Variants in LRP2 observed in about 807,000 individuals in gnomAD.
LRP2 encodes the protein low-density lipoprotein receptor-related protein 2.
LRP2 carries 172 observed loss-of-function variants against 531.0 expected under a neutral mutation model. That is an observed-to-expected ratio of 0.32 (90% CI 0.29 to 0.37). The LOEUF is 0.37. Ranked by LOEUF, LRP2 falls within the 10% of genes least tolerant of loss-of-function variation. LRP2 has a pLI of 1.00. For missense variants in LRP2, 5,167 were observed against 5,868.3 expected (o/e 0.88, Z 3.90); for synonymous variants, 1,992 against 2,027.6 (o/e 0.98, Z 0.47).
At chr2:169,263,099 A>G (rs1461687797) in intron 16 of LRP2, among the ~76,000 whole-genome samples, 1 of 152,222 alleles carries the variant, frequency 6.6e-6, no homozygotes, top group Non-Finnish European at 1.5e-5. Flanking sequence ...TCAATTCAAG[A>G]TGGCTTAAAG....
At position 169,191,917 on chromosome 2, in the gene LRP2, C is replaced by T. The variant is rs1051877373; in HGVS notation, c.8947G>A (p.Asp2983Asn). 8 of 1,614,106 alleles carry T rather than the reference C, an allele frequency of 5.0e-6. No homozygotes were observed. Among genetic ancestry groups the T allele is most frequent in the Non-Finnish European group, 6.8e-6 (8 of 1,179,982 alleles). Reference protein sequence around the residue: ...DGDVDCTDGYDENQNCTRRTC... With the variant: ...DGDVDCTDGYNENQNCTRRTC... ...CTCCTGGTGCAATTCTGATTCTCAT[C>T]GTAGCCGTCAGTACAATCCACATCG... The change falls in exon 48 of 79, where the codon GAT becomes AAT. Residue 2983 changes from aspartate (D) to asparagine (N), a missense_variant. Coordinates refer to ENST00000649046, the MANE Select transcript of LRP2 (RefSeq NM_004525.3).
At chr2:169,351,876 G>A (rs927922728) in intron 1 of LRP2, among the ~76,000 whole-genome samples, 6 of 152,164 alleles carry the variant, frequency 3.9e-5, no homozygotes, top group East Asian at 1.9e-4. Context: ...TGCTGAGCGC[G>A]TATGTATGCA....
At chr2:169,169,344 C>A (rs1053023929) in intron 60 of LRP2, among the ~76,000 whole-genome samples, 4 of 152,146 alleles carry the variant, frequency 2.6e-5, no homozygotes, top group Non-Finnish European at 5.9e-5. Context: ...TCAATATGTT[C>A]GAATACCCAA....
intron 23 of LRP2, 54 bp from the exon 24 acceptor site, chr2:169,243,126 A>T: frequency 7.2e-7 from 1 of 1,384,478 alleles, no homozygotes; most frequent in South Asian, 1.2e-5. Flanking sequence ...AAATGACTAA[A>T]CACTGAGATT....
At chr2:169,299,142 AG>A (rs1304736140) in intron 4 of LRP2, among the ~76,000 whole-genome samples, 1 of 47,686 alleles carries the variant, frequency 2.1e-5, no homozygotes, top group Non-Finnish European at 5.2e-5. Flanking sequence ...AAAGAAAGAA[AG>A]AAAGAAAGAA....
At chr2:169,340,465 G>C (rs1025420122) in intron 1 of LRP2, among the ~76,000 whole-genome samples, 11 of 152,186 alleles carry the variant, frequency 7.2e-5, no homozygotes, top group African/African-American at 2.2e-4. Flanking sequence ...AGCCAAATGT[G>C]ATCATAGGAC....
At chr2:169,200,424 G>C (rs1006324092) in intron 44 of LRP2, among the ~76,000 whole-genome samples, 1 of 152,074 alleles carries the variant, frequency 6.6e-6, no homozygotes, top group Admixed American at 6.6e-5. Flanking sequence ...TCCAGGACTG[G>C]GACAGGAAAT....
intron 1 of LRP2, among the ~76,000 whole-genome samples, chr2:169,338,393 AAAG>A (rs1685475254): frequency 4.7e-5 from 6 of 128,000 alleles, no homozygotes; most frequent in African/African-American, 9.2e-5. Context: ...AGAAAGAAAG[AAAG>A]AAAGAAAGAA....
chr2:169,245,787 T>C (rs1171770550), intron 21 of LRP2, among the ~76,000 whole-genome samples: 1 of 152,260 alleles, frequency 6.6e-6, no homozygotes, highest in Non-Finnish European at 1.5e-5. Context: ...AAGGCTATGA[T>C]TGCAAGTAGT....
chr2:169,262,074 A>G (rs1201666477), intron 16 of LRP2, among the ~76,000 whole-genome samples: 1 of 152,046 alleles, frequency 6.6e-6, no homozygotes, highest in Non-Finnish European at 1.5e-5. Flanking sequence ...TCAATAAACT[A>G]GGTATTGATG....
chr2:169,259,538 T>C (rs1023738787), intron 16 of LRP2, among the ~76,000 whole-genome samples: 2 of 152,088 alleles, frequency 1.3e-5, no homozygotes, highest in East Asian at 3.9e-4. Context: ...GTAGAATATC[T>C]GAAGAAGAGA....
chr2:169,295,412 A>G (rs1440562700), intron 4 of LRP2, among the ~76,000 whole-genome samples: 1 of 152,208 alleles, frequency 6.6e-6, no homozygotes, highest in Non-Finnish European at 1.5e-5. Context: ...TGTACATATG[A>G]CCACCTCACT....
chr2:169,289,940 T>C (rs1195187902), intron 8 of LRP2, among the ~76,000 whole-genome samples: 1 of 152,170 alleles, frequency 6.6e-6, no homozygotes, highest in African/African-American at 2.4e-5. Context: ...ACAATTTTTG[T>C]CAGGAAACAA....
At chr2:169,219,677 G>GTCTA (rs1183538815) in intron 34 of LRP2, among the ~76,000 whole-genome samples, 6 of 152,104 alleles carry the variant, frequency 3.9e-5, no homozygotes, top group African/African-American at 1.4e-4. Flanking sequence ...CAGACACTGT[G>GTCTA]GACTACTAGA....
intron 19 of LRP2, among the ~76,000 whole-genome samples, chr2:169,251,677 C>G (rs1690178569): frequency 1.3e-5 from 1 of 78,838 alleles, no homozygotes; most frequent in Admixed American, 1.6e-4. Context: ...ACAAAAAACC[C>G]TTCAAAAAAT....
chr2:169,205,082 TA>T (rs1192535229), intron 41 of LRP2, among the ~76,000 whole-genome samples: 4 of 151,700 alleles, frequency 2.6e-5, no homozygotes, highest in Non-Finnish European at 5.9e-5. Context: ...CATTGAATGC[TA>T]AAGCCCAGAA....
intron 9 of LRP2, among the ~76,000 whole-genome samples, chr2:169,288,588 C>G (rs1683918719): frequency 6.6e-6 from 1 of 152,090 alleles, no homozygotes; most frequent in African/African-American, 2.4e-5. Flanking sequence ...GTTGTGGGAT[C>G]CTGGGGATGC....
rs1553513221 is a variant in LRP2, at chr2:169,314,248, A to AAT, written c.310+4513_310+4514insAT. 5.2e-3 allele frequency among the ~76,000 whole-genome samples: 781 copies of AAT among 151,272 alleles called. 4 individuals are homozygous for AAT. The highest frequency in any genetic ancestry group is 0.013 in the African/African-American group (519 of 41,098). ...CCTTATATCTTAAAAGAAAAAAAAAATAAATTTAGCTGGGCACAGTGGCTC... is the reference window on the plus strand; with the variant it reads ...CCTTATATCTTAAAAGAAAAAAAAAAATTAAATTTAGCTGGGCACAGTGGCTC... On this transcript the variant is annotated intron_variant, in intron 3 of 78. Transcript: ENST00000649046.
At chr2:169,307,992 T>C (rs1054140361) in intron 3 of LRP2, among the ~76,000 whole-genome samples, 5 of 152,246 alleles carry the variant, frequency 3.3e-5, no homozygotes, top group South Asian at 2.1e-4. Context: ...ATAAAACAGA[T>C]AAAATCCAGT....
Sources: allele counts gnomAD v4.1 joint callset (sites outside exome capture counted in the v4.1 genomes callset), GRCh38; gene constraint gnomAD v4.1.1; transcripts MANE v1.5; gene names NCBI Gene and HGNC (gene_info 2026-07-23, HGNC 2026-07-21).